The following CCDC146 variants were observed in gnomAD, a reference collection of about 807,000 sequenced individuals.
CCDC146 encodes coiled-coil domain-containing protein 146.
A neutral mutation model predicts 119.3 loss-of-function variants in CCDC146; 92 were observed. The ratio of observed to expected loss-of-function variants is 0.77; its 90% confidence interval spans 0.65 to 0.92. The LOEUF is 0.92. CCDC146 is among the 40% of genes least tolerant of loss of function. The pLI is 0.00. For missense variants in CCDC146, 1,000 were observed against 1,103.0 expected (o/e 0.91, Z 1.32); for synonymous variants, 372 against 371.8 (o/e 1.00, Z -0.01).
chr7:77,132,381 TG>T (rs1181487819), intron 1 of CCDC146, among the ~76,000 whole-genome samples: 2 of 151,306 alleles, frequency 1.3e-5, no homozygotes, highest in African/African-American at 4.9e-5. Context: ...CATGACCAAG[TG>T]GGGTTTATCT....
At chr7:77,126,568 A>G (rs986462452) in intron 1 of CCDC146, among the ~76,000 whole-genome samples, 3 of 151,972 alleles carry the variant, frequency 2.0e-5, no homozygotes, top group Admixed American at 1.3e-4. Context: ...GCTCCTCTCT[A>G]CTACTGGTTG....
intron 8 of CCDC146, 53 bp downstream of exon 8, chr7:77,260,289 T>G (rs1190211268): frequency 5.3e-6 from 7 of 1,314,386 alleles, no homozygotes; most frequent in Non-Finnish European, 7.3e-6. Context: ...TTCTTCAATT[T>G]ATATTTGAGA....
At chr7:77,185,122 G>A (rs1791644225) in intron 2 of CCDC146, among the ~76,000 whole-genome samples, 1 of 151,950 alleles carries the variant, frequency 6.6e-6, no homozygotes, top group African/African-American at 2.4e-5. Context: ...TGAGTATAAA[G>A]TATTGCCTCC....
At chr7:77,246,555 C>T (rs1426660738) in intron 4 of CCDC146, 1 of 151,952 alleles carries the variant, frequency 6.6e-6, no homozygotes. Context: ...TACCAGGAGG[C>T]ATAGAAACAG....
chr7:77,153,384 A>G (rs1295827840), intron 1 of CCDC146, among the ~76,000 whole-genome samples: 2 of 151,412 alleles, frequency 1.3e-5, no homozygotes, highest in African/African-American at 4.9e-5. Context: ...GCTTTTTGGT[A>G]TCGCCTTTAA....
intron 2 of CCDC146, among the ~76,000 whole-genome samples, chr7:77,177,724 G>A (rs1357502035): frequency 1.3e-5 from 2 of 152,108 alleles, no homozygotes; most frequent in African/African-American, 4.8e-5. Context: ...TATAGGCTGT[G>A]CTTTAAAAAA....
chr7:77,269,437 T>C (rs893424084), intron 9 of CCDC146, among the ~76,000 whole-genome samples: 3 of 152,198 alleles, frequency 2.0e-5, no homozygotes, highest in African/African-American at 7.2e-5. Flanking sequence ...GAAACTTTCC[T>C]CCAATATATG....
intron 2 of CCDC146, among the ~76,000 whole-genome samples, chr7:77,212,264 A>G (rs1248321897): frequency 1.3e-5 from 2 of 152,178 alleles, no homozygotes; most frequent in Admixed American, 6.5e-5. Flanking sequence ...ATTGAAGAAA[A>G]ATATATAGCT....
intron 2 of CCDC146, chr7:77,194,404 G>A (rs180717425): frequency 1.3e-5 from 2 of 152,116 alleles, no homozygotes; most frequent in African/African-American, 4.8e-5. Flanking sequence ...CCACCTAATA[G>A]AGACACAGCT....
intron 2 of CCDC146, among the ~76,000 whole-genome samples, chr7:77,218,625 T>C (rs1029122771): frequency 4.6e-5 from 7 of 152,018 alleles, no homozygotes; most frequent in African/African-American, 1.4e-4. Context: ...CTTTTTTTTT[T>C]TTTTGGCAGG....
chr7:77,160,919 T>A (rs1393297071), intron 1 of CCDC146, among the ~76,000 whole-genome samples: 2 of 151,938 alleles, frequency 1.3e-5, no homozygotes, highest in South Asian at 2.1e-4. Flanking sequence ...GAATCTACAA[T>A]GAACTCAAAC....
At chr7:77,132,238 G>A (rs1790794743) in intron 1 of CCDC146, among the ~76,000 whole-genome samples, 1 of 151,832 alleles carries the variant, frequency 6.6e-6, no homozygotes, top group African/African-American at 2.4e-5. Flanking sequence ...GGACAGTATT[G>A]TCTTGATAAA....
chr7:77,248,190 C>G (rs994870606), intron 4 of CCDC146, among the ~76,000 whole-genome samples: 1 of 152,070 alleles, frequency 6.6e-6, no homozygotes, highest in African/African-American at 2.4e-5. Context: ...AGCCAAATAC[C>G]ACATGTTCTC....
intron 17 of CCDC146, among the ~76,000 whole-genome samples, chr7:77,288,070 G>C (rs372837454): frequency 6.6e-6 from 1 of 152,134 alleles, no homozygotes; most frequent in Non-Finnish European, 1.5e-5. Context: ...GAAAGGCCAG[G>C]AATACAGAAC....
At chr7:77,184,612 A>T (rs541673824) in intron 2 of CCDC146, among the ~76,000 whole-genome samples, 1 of 152,204 alleles carries the variant, frequency 6.6e-6, no homozygotes, top group Non-Finnish European at 1.5e-5. Context: ...CTTCCAGAGA[A>T]CTTACAAAGT....
Position 77,178,725 on chromosome 7 carries a change from T to C in CCDC146, c.156+10901T>C, listed in dbSNP as rs180943394. On this transcript the variant is annotated intron_variant, in intron 2 of 18. Coordinates refer to ENST00000285871, the MANE Select transcript of CCDC146 (RefSeq NM_020879.3). The stretch of plus-strand genomic sequence containing the variant: ...ACTTTGATACTGGCTTTCTAAATAG[T>C]CGCTGAACGGATGTTGCTCTTCAAA... 2.0e-5 allele frequency among the ~76,000 whole-genome samples: 3 copies of C among 152,326 alleles called. No homozygotes were observed. The East Asian group carries it at 5.8e-4, about 29-fold the overall frequency.
intron 2 of CCDC146, among the ~76,000 whole-genome samples, chr7:77,233,902 C>T (rs1350727650): frequency 1.8e-5 from 1 of 55,392 alleles, no homozygotes; most frequent in African/African-American, 4.7e-5. Flanking sequence ...TTTCAGTATT[C>T]TATCATTTTT....
chr7:77,238,109 C>T (rs1238138030), intron 3 of CCDC146, among the ~76,000 whole-genome samples: 1 of 152,162 alleles, frequency 6.6e-6, no homozygotes, highest in Non-Finnish European at 1.5e-5. Flanking sequence ...ATGCAAACTT[C>T]AAGTGCACCC....
intron 2 of CCDC146, chr7:77,198,408 T>C (rs564106707): frequency 3.5e-5 from 24 of 677,624 alleles, no homozygotes; most frequent in Non-Finnish European, 2.0e-5. Context: ...AAGCCAAGGT[T>C]TGGAGAGTCA....
Sources: gnomAD v4.1 joint callset for allele counts (sites outside exome capture counted in the v4.1 genomes callset) on GRCh38, gnomAD v4.1.1 for gene constraint, MANE v1.5 for transcripts, NCBI Gene and HGNC (gene_info 2026-07-23, HGNC 2026-07-21) for gene names.